Variants in SYPL1 observed in about 807,000 individuals in gnomAD.
SYPL1 encodes synaptophysin-like protein 1.
In SYPL1, 6 loss-of-function variants were observed where a neutral mutation model predicts 23.7. The observed-to-expected ratio is 0.25, with a 90% CI of 0.14 to 0.50. The LOEUF (loss-of-function observed/expected upper bound fraction) is 0.50, where lower values mean the gene tolerates loss of function less well. Among genes scored for constraint, SYPL1 ranks in the 20% least tolerant of loss-of-function variants. The pLI is 0.98. For missense variants in SYPL1, 253 were observed against 288.9 expected (o/e 0.88, Z 0.90); for synonymous variants, 102 against 104.5 (o/e 0.98, Z 0.15).
rs1416903441 is a variant in SYPL1 at position 106,097,968 on chromosome 7, T to C, written c.195-71A>G. Reference sequence around the variant, plus strand: ...AGAAACATTTAAGCAAAACAATGAGTGACACTTCAAAAAATACTCCCCAAA... The same window carrying C: ...AGAAACATTTAAGCAAAACAATGAGCGACACTTCAAAAAATACTCCCCAAA... On this transcript the variant is annotated intron_variant, in intron 2 of 4. Coordinates refer to ENST00000455385, the MANE Select transcript of SYPL1 (RefSeq NM_182715.4). The surrounding 1 kb of genome is among the most constrained non-coding windows in gnomAD (Gnocchi z 4.6). 3 of 1,283,328 alleles carry C rather than the reference T, an allele frequency of 2.3e-6. No individual in the cohort carries two copies. The African/African-American group carries it at 4.5e-5, about 19-fold the overall frequency. The allele number at this position is 1,283,328 out of a possible 1,614,324, so 79.5% of individuals were successfully genotyped here.
chr7:106,099,054 T>C, intron 2 of SYPL1, 104 bp downstream of exon 2: 1 of 1,399,844 alleles, frequency 7.1e-7, no homozygotes, highest in Non-Finnish European at 9.7e-7. Flanking sequence ...GAGCATACAG[T>C]CTAAAATTTT....
Position 106,091,807 on chromosome 7 carries a change from A to AAT in SYPL1, c.723_724insAT (p.Ter242IlefsTer3). ...ATACAGTGTATTTCTCCCTTTAATT[A>AAT]TATTCCGGTAGGAGGTGGAATACCT... is the stretch of plus-strand genomic sequence containing the variant. On this transcript the variant is annotated frameshift_variant, in exon 5 of 5. Coordinates refer to ENST00000455385, the MANE Select transcript of SYPL1 (RefSeq NM_182715.4). LOFTEE classifies it high-confidence loss of function. The surrounding 1 kb of genome is among the most constrained non-coding windows in gnomAD (Gnocchi z 5.0). The AAT allele has an allele frequency of 6.2e-7, 1 of 1,610,472 alleles. No individual in the cohort carries two copies. The highest frequency in any genetic ancestry group is 8.5e-7 in the Non-Finnish European group (1 of 1,178,802).
In SYPL1 at chr7:106,091,787, G is replaced by A. The variant is rs1839740604; in HGVS notation, c.*18C>T. 1.2e-6 allele frequency: 2 copies of A among 1,603,952 alleles called. No individual in the cohort carries two copies. The highest frequency in any genetic ancestry group is 1.1e-5 in the South Asian group (1 of 88,574). On this transcript the variant is annotated 3_prime_UTR_variant, in exon 5 of 5. Coordinates refer to ENST00000455385, the MANE Select transcript of SYPL1 (RefSeq NM_182715.4). The surrounding 1 kb of genome is among the most constrained non-coding windows in gnomAD (Gnocchi z 5.0). ...ATAGTATCAACATATACTTCATACA[G>A]TGTATTTCTCCCTTTAATTATATTC... is the stretch of plus-strand genomic sequence containing the variant.
At chr7:106,107,254 A>G (rs1840650977) in intron 1 of SYPL1, among the ~76,000 whole-genome samples, 1 of 152,226 alleles carries the variant, frequency 6.6e-6, no homozygotes, top group Non-Finnish European at 1.5e-5. Flanking sequence ...TTTATGAGTC[A>G]AAGTCCAAAA....
In SYPL1 at chr7:106,097,724, C is replaced by T. The variant is rs1045798045; in HGVS notation, c.368G>A (p.Ser123Asn). The change falls in exon 3 of 5, where the codon AGT becomes AAT. Residue 123 changes from serine (S) to asparagine (N), a missense_variant. By Grantham distance (46) the Ser-to-Asn change is conservative. Coordinates refer to ENST00000455385, the MANE Select transcript of SYPL1 (RefSeq NM_182715.4). This position sits in a 1 kb window ranked among gnomAD's most constrained non-coding sequence, Gnocchi z 4.6. The stretch of plus-strand genomic sequence containing the variant: ...AAGTTTACGACTATCCAGATACAGA[C>T]TCGTGTAGCCAACATAAAGCAGAAG... Reference protein sequence around the residue: ...AALLLYVGYTSLYLDSRKLPM... With the variant: ...AALLLYVGYTNLYLDSRKLPM... The T allele has an allele frequency of 1.2e-6, 2 of 1,613,702 alleles. No individual in the cohort carries two copies.
rs933280362 is a variant in SYPL1, at chr7:106,109,763, T to C, written c.69+2377A>G. ...CAGTCATCTTAGGGTCCTCCCTCTT[T>C]GTTACCTTCCATATATATTCTAATT... On this transcript the variant is annotated intron_variant, in intron 1 of 4. Coordinates refer to ENST00000455385, the MANE Select transcript of SYPL1 (RefSeq NM_182715.4). This position sits in a 1 kb window ranked among gnomAD's most constrained non-coding sequence, Gnocchi z 4.3. 2.0e-5 allele frequency among the ~76,000 whole-genome samples: 3 copies of C among 152,212 alleles called. No individual in the cohort carries two copies. Among genetic ancestry groups the C allele is most frequent in the East Asian group, 1.9e-4 (1 of 5,178 alleles).
chr7:106,097,907 T>G lies in SYPL1; in HGVS notation c.195-10A>C, dbSNP rs1024458034. 23 of 1,604,428 alleles carry G rather than the reference T, an allele frequency of 1.4e-5. No homozygotes were observed. Among genetic ancestry groups the G allele is most frequent in the Non-Finnish European group, 2.0e-5 (23 of 1,173,300 alleles). ...TGATGCCTCATTCAACCTATTAAAA[T>G]AAATGTATGAATTATTGGACTTTCC... On this transcript the variant is annotated splice_polypyrimidine_tract_variant and intron_variant, in intron 2 of 4. Transcript: ENST00000455385. The surrounding 1 kb of genome is among the most constrained non-coding windows in gnomAD (Gnocchi z 4.6).
At chr7:106,103,916 T>C (rs1202899713) in intron 1 of SYPL1, among the ~76,000 whole-genome samples, 2 of 152,184 alleles carry the variant, frequency 1.3e-5, no homozygotes, top group Non-Finnish European at 2.9e-5. Context: ...CAAAAAATGC[T>C]CCAACTTCTT....
At position 106,091,875 on chromosome 7, in the gene SYPL1, C is replaced by T. The variant is rs148646308; in HGVS notation, c.656G>A (p.Ser219Asn). The change falls in exon 5 of 5, where the codon AGC becomes AAC. Residue 219 changes from serine to asparagine, a missense_variant. Transcript: ENST00000455385. The surrounding 1 kb of genome is among the most constrained non-coding windows in gnomAD (Gnocchi z 5.0). ...AGATGTATTTGATGGACTGTGTAGGCTGGTCTCCTTGTACACAAACCAAGC... is the reference window on the plus strand; with the variant it reads ...AGATGTATTTGATGGACTGTGTAGGTTGGTCTCCTTGTACACAAACCAAGC... The part of the protein sequence containing the change: ...GNAWFVYKET[S>N]LHSPSNTSAP... The T allele has an allele frequency of 1.9e-5, 30 of 1,613,642 alleles. No individual in the cohort carries two copies. The highest frequency in any genetic ancestry group is 2.5e-5 in the Non-Finnish European group (30 of 1,179,836).
chr7:106,101,146 C>G (rs1840288502), intron 1 of SYPL1, among the ~76,000 whole-genome samples: 1 of 152,054 alleles, frequency 6.6e-6, no homozygotes, highest in South Asian at 2.1e-4. Context: ...CCCCGCACTA[C>G]CTATTCCCTC....
chr7:106,095,774 G>A lies in SYPL1; in HGVS notation c.402+1916C>T, dbSNP rs1839989213. The stretch of plus-strand genomic sequence containing the variant: ...TATGTAACAATAAAAACCTACTTAA[G>A]GAATTTTGGATTATCTCTTTATATG... On this transcript the variant is annotated intron_variant, in intron 3 of 4. Coordinates refer to ENST00000455385, the MANE Select transcript of SYPL1 (RefSeq NM_182715.4). This position sits in a 1 kb window ranked among gnomAD's most constrained non-coding sequence, Gnocchi z 4.3. 6.6e-6 allele frequency among the ~76,000 whole-genome samples: 1 copy of A among 152,120 alleles called. No individual in the cohort carries two copies. The highest frequency in any genetic ancestry group is 6.5e-5 in the Admixed American group (1 of 15,284).
rs992430732 is a variant in SYPL1, at chr7:106,109,113, C to G, written c.69+3027G>C. 6.6e-6 allele frequency among the ~76,000 whole-genome samples: 1 copy of G among 152,180 alleles called. No individual in the cohort carries two copies. Among genetic ancestry groups the G allele is most frequent in the Non-Finnish European group, 1.5e-5 (1 of 68,028 alleles). ...ATGAAGCAGTAAAAATTTTATTAAA[C>G]CTTGACCCTTGAGTTCTCTTGTCAG... On this transcript the variant is annotated intron_variant, in intron 1 of 4. Transcript: ENST00000455385. This position sits in a 1 kb window ranked among gnomAD's most constrained non-coding sequence, Gnocchi z 4.3.
At chr7:106,102,096 C>CT (rs564357480) in intron 1 of SYPL1, among the ~76,000 whole-genome samples, 57,843 of 146,912 alleles carry the variant, frequency 0.39, 11,601 homozygotes, top group East Asian at 0.52. Flanking sequence ...AAGATTACAA[C>CT]TTTTTTTTTT....
Position 106,112,202 on chromosome 7 carries a change from C to T in SYPL1, c.7G>A (p.Gly3Ser). Residue 3 changes from glycine (G) to serine (S), a missense_variant, in exon 1 of 5, where the codon GGC (glycine) becomes AGC (serine). Coordinates refer to ENST00000455385, the MANE Select transcript of SYPL1 (RefSeq NM_182715.4). Reference protein sequence around the residue: MSGFQINLNPLKE... With the variant: MSSFQINLNPLKE... ...AGCGGGTTGAGGTTGATCTGGAAGC[C>T]GGACATCCTCTGAGGAAAGGAGGGA... 1 of 1,543,502 alleles carries T rather than the reference C, an allele frequency of 6.5e-7. No homozygotes were observed. Among genetic ancestry groups the T allele is most frequent in the Non-Finnish European group, 8.8e-7 (1 of 1,137,298 alleles).
chr7:106,112,003 C>G (rs1163718832), intron 1 of SYPL1, 137 bp downstream of exon 1: 7 of 1,078,512 alleles, frequency 6.5e-6, no homozygotes, highest in East Asian at 9.0e-5. Context: ...CCCTCCCTGC[C>G]GTCCACTCCC....
rs1228261573 is a variant in SYPL1 at position 106,112,123 on chromosome 7, G to T, written c.69+17C>A. The T allele has an allele frequency of 2.1e-6, 3 of 1,449,156 alleles. No individual in the cohort carries two copies. The highest frequency in any genetic ancestry group is 2.0e-5 in the Admixed American group (1 of 49,422). The allele number at this position is 1,449,156 out of a possible 1,614,324, so 89.8% of individuals were successfully genotyped here. ...GCCGAGCGGCAGGCGGGCCTGGCCG[G>T]CGCGGGCTGCACTCACCCACTCGAG... is the stretch of plus-strand genomic sequence containing the variant. On this transcript the variant is annotated intron_variant, in intron 1 of 4. Transcript: ENST00000455385.
chr7:106,108,848 T>C (rs918322582), intron 1 of SYPL1, among the ~76,000 whole-genome samples: 3 of 152,164 alleles, frequency 2.0e-5, no homozygotes, highest in Admixed American at 6.5e-5. Flanking sequence ...CCAAGGCTCT[T>C]TCAGGAGTTC....
Position 106,112,244 on chromosome 7 carries a change from CG to C in SYPL1, c.-37del. 6.6e-7 allele frequency: 1 copy of C among 1,518,440 alleles called. No homozygotes were observed. Among genetic ancestry groups the C allele is most frequent in the East Asian group, 2.6e-5 (1 of 37,764 alleles). The allele number at this position is 1,518,440 out of a possible 1,614,324, so 94.1% of individuals were successfully genotyped here. A position where few individuals can be genotyped will look rare whatever the true frequency, so the allele number is the denominator to read the frequency against. On this transcript the variant is annotated 5_prime_UTR_variant, in exon 1 of 5. Transcript: ENST00000455385. ...AAGGAGGGAGAGAGAGTCAGGACGA[CG>C]GGGCGGAGGAGGGGACCGACGAGAC...
Position 106,110,126 on chromosome 7 carries a change from G to C in SYPL1, c.69+2014C>G, listed in dbSNP as rs765093971. ...GCACATATGCATTTTCCTAAGGAAA[G>C]GGCCCAGATTCCCAAAGATTAACCC... On this transcript the variant is annotated intron_variant, in intron 1 of 4. Transcript: ENST00000455385. 2.6e-5 allele frequency among the ~76,000 whole-genome samples: 4 copies of C among 152,116 alleles called. No homozygotes were observed. In the East Asian group the frequency reaches 5.8e-4, roughly 22 times the overall value.
Sources: allele counts gnomAD v4.1 joint callset (sites outside exome capture counted in the v4.1 genomes callset), GRCh38; gene constraint gnomAD v4.1.1; non-coding constraint Gnocchi (gnomAD v3.1); transcripts MANE v1.5; gene names NCBI Gene and HGNC (gene_info 2026-07-23, HGNC 2026-07-21).